The following SLC35E4 variants were observed in gnomAD, a reference collection of about 807,000 sequenced individuals.
SLC35E4 encodes the protein solute carrier family 35 member E4, also known as solute carrier family 35, member E4.
SLC35E4 carries 15 observed loss-of-function variants against 19.3 expected under a neutral mutation model. The ratio of observed to expected loss-of-function variants is 0.78; its 90% CI spans 0.52 to 1.20. The LOEUF (loss-of-function observed/expected upper bound fraction) is 1.20. SLC35E4 is among the 50% of genes most tolerant of loss of function. SLC35E4 has a pLI of 0.00. For missense variants in SLC35E4, 406 were observed against 472.3 expected, an observed-to-expected ratio of 0.86 and a Z score of 1.30; for synonymous variants, 219 against 219.9, an observed-to-expected ratio of 1.00 and a Z score of 0.04.
intron 2 of SLC35E4, among the ~76,000 whole-genome samples, chr22:30,658,103 CA>C (rs947571476): frequency 6.6e-6 from 1 of 150,888 alleles, no homozygotes; most frequent in Non-Finnish European, 1.5e-5. Flanking sequence ...AAGACCATTT[CA>C]AAATAAATTT....
At position 30,637,012 on chromosome 22, in the gene SLC35E4, G is replaced by T. The variant is rs2087963369; in HGVS notation, c.562G>T (p.Gly188Cys). The T allele has an allele frequency of 1.3e-6, 2 of 1,599,542 alleles. No individual in the cohort carries two copies. Among genetic ancestry groups the T allele is most frequent in the African/African-American group, 1.3e-5 (1 of 74,576 alleles). Residue 188 changes from glycine to cysteine, a missense_variant, in exon 1 of 2, where the codon GGC becomes TGC. Coordinates refer to ENST00000343605, the MANE Select transcript of SLC35E4 (RefSeq NM_001001479.4). ...LAGEFRTPPT[G>C]CGFLLAATCL... ...TGGAGAGTTCCGGACACCCCCTACC[G>T]GCTGTGGCTTCCTGCTCGCAGCCAC...
intron 2 of SLC35E4, among the ~76,000 whole-genome samples, chr22:30,661,230 C>G (rs985593062): frequency 1.3e-5 from 2 of 151,984 alleles, no homozygotes; most frequent in Non-Finnish European, 2.9e-5. Context: ...AGTTTGAGAC[C>G]CATTCATGGA....
chr22:30,645,158 C>T (rs1040980215), intron 1 of SLC35E4, among the ~76,000 whole-genome samples: 1 of 152,084 alleles, frequency 6.6e-6, no homozygotes, highest in Non-Finnish European at 1.5e-5. Flanking sequence ...TGCAAAGGCC[C>T]CCATGTGGCT....
intron 2 of SLC35E4, chr22:30,653,999 A>ATTTT (rs2088281528): frequency 7.8e-6 from 1 of 128,060 alleles, no homozygotes. Flanking sequence ...TTTTTTTTTG[A>ATTTT]GACGGAGTCG....
Position 30,646,846 on chromosome 22 carries a change from C to T in SLC35E4, c.868C>T (p.Leu290Phe), listed in dbSNP as rs201986232. ...CCTCACCGTCCACGTCCTGGGCAAC[C>T]TCACCGTGGTGGGCAACCTCATCCT... is the stretch of plus-strand genomic sequence containing the variant. The part of the protein sequence containing the change: ...SALTVHVLGN[L>F]TVVGNLILSR... Residue 290 changes from leucine to phenylalanine, a missense_variant, in exon 2 of 2, where the codon CTC (leucine) becomes TTC (phenylalanine). Transcript: ENST00000343605. 1 of 1,614,246 alleles carries T rather than the reference C, an allele frequency of 6.2e-7. No homozygotes were observed.
chr22:30,654,988 G>C (rs1474134976), intron 2 of SLC35E4, among the ~76,000 whole-genome samples: 1 of 152,142 alleles, frequency 6.6e-6, no homozygotes, highest in African/African-American at 2.4e-5. Context: ...CCAAAGAATA[G>C]AAAGAACCAA....
At chr22:30,638,537 C>A (rs1001897837) in intron 1 of SLC35E4, among the ~76,000 whole-genome samples, 2 of 146,938 alleles carry the variant, frequency 1.4e-5, no homozygotes, top group African/African-American at 2.5e-5. Flanking sequence ...TTGGGCCAGG[C>A]GCAGTGGCTC....
chr22:30,663,278 A>G, exon 3 of SLC35E4: 1 of 739,334 alleles, frequency 1.4e-6, no homozygotes, highest in South Asian at 2.0e-5. Flanking sequence ...AAAATGGATT[A>G]TAAAGTTAAA....
At chr22:30,666,926 A>G (rs2088693107), downstream of SLC35E4, 1 of 152,244 alleles carries the variant, frequency 6.6e-6, no homozygotes, top group African/African-American at 2.4e-5. Flanking sequence ...TAGGGAAGTT[A>G]AAATGCAGGG....
chr22:30,663,267 A>C (rs2088530100), exon 3 of SLC35E4: 1 of 703,812 alleles, frequency 1.4e-6, no homozygotes, highest in Non-Finnish European at 2.3e-6. Flanking sequence ...TAATCTTAAA[A>C]AAAATGGATT....
At chr22:30,657,777 A>C (rs180948105) in intron 2 of SLC35E4, among the ~76,000 whole-genome samples, 6 of 151,266 alleles carry the variant, frequency 4.0e-5, no homozygotes, top group African/African-American at 1.2e-4. Context: ...GGTGGCGGGC[A>C]CCTGTAGTCC....
chr22:30,638,501 CAAAAAAAAA>C (rs33962458), intron 1 of SLC35E4, among the ~76,000 whole-genome samples: 29 of 64,132 alleles, frequency 4.5e-4, no homozygotes, highest in African/African-American at 2.5e-4. Context: ...GACTCCATCT[CAAAAAAAAA>C]AAAAAAAAAA....
chr22:30,659,174 C>T (rs1459914693), intron 2 of SLC35E4, among the ~76,000 whole-genome samples: 1 of 146,294 alleles, frequency 6.8e-6, no homozygotes, highest in Non-Finnish European at 1.5e-5. Flanking sequence ...ACTGGAACTA[C>T]AATAGCCCAC....
At chr22:30,645,672 T>C (rs1169349135) in intron 1 of SLC35E4, among the ~76,000 whole-genome samples, 1 of 151,788 alleles carries the variant, frequency 6.6e-6, no homozygotes, top group Non-Finnish European at 1.5e-5. Context: ...TTTTATTTTT[T>C]AGAGACAGGG....
At chr22:30,653,616 G>GCC (rs146345605) in intron 2 of SLC35E4, among the ~76,000 whole-genome samples, 204 of 151,544 alleles carry the variant, frequency 1.3e-3, no homozygotes, top group African/African-American at 4.4e-3. Flanking sequence ...CAAGTGACCC[G>GCC]CCCCCCCTCG....
At chr22:30,642,729 C>CA (rs34842452) in intron 1 of SLC35E4, among the ~76,000 whole-genome samples, 11,076 of 87,018 alleles carry the variant, frequency 0.13, 766 homozygotes, top group Non-Finnish European at 0.17. Flanking sequence ...GGCAACATCT[C>CA]AAAAAAAAAA....
intron 1 of SLC35E4, among the ~76,000 whole-genome samples, chr22:30,637,859 A>T (rs2087975185): frequency 1.3e-5 from 2 of 152,218 alleles, no homozygotes; most frequent in South Asian, 4.1e-4. Flanking sequence ...CACAAAGGAA[A>T]GCCAGAAAGC....
At chr22:30,646,413 G>T (rs1602079314) in intron 1 of SLC35E4, among the ~76,000 whole-genome samples, 185 bp from the exon 2 acceptor site, 2 of 152,156 alleles carry the variant, frequency 1.3e-5, no homozygotes, top group Admixed American at 1.3e-4. Flanking sequence ...CTCAGGGGTG[G>T]ACACAGGTCA....
chr22:30,645,481 G>A (rs968460676), intron 1 of SLC35E4, among the ~76,000 whole-genome samples: 1 of 151,620 alleles, frequency 6.6e-6, no homozygotes, highest in Admixed American at 6.6e-5. Flanking sequence ...TGTGATCCCA[G>A]CTACTTGGGA....
Sources: allele counts gnomAD v4.1 joint callset (sites outside exome capture counted in the v4.1 genomes callset), GRCh38; gene constraint gnomAD v4.1.1; transcripts MANE v1.5; gene names NCBI Gene and HGNC (gene_info 2026-07-23, HGNC 2026-07-21).